RALGPS2: variants seen among roughly 807,000 people sequenced by gnomAD.
RALGPS2 encodes ras-specific guanine nucleotide-releasing factor RalGPS2.
A neutral mutation model predicts 86.8 loss-of-function variants in RALGPS2; 43 were observed. That is an observed-to-expected ratio of 0.50 (90% CI 0.39 to 0.64). The LOEUF is 0.64. RALGPS2 is among the 30% of genes least tolerant of loss of function. The pLI is 0.00. For synonymous variants in RALGPS2, 243 were observed against 231.3 expected, an observed-to-expected ratio of 1.05 and a Z score of -0.46; for missense variants, 536 against 694.6, an observed-to-expected ratio of 0.77 and a Z score of 2.57.
At chr1:178,800,745 C>T (rs898260416) in intron 4 of RALGPS2, among the ~76,000 whole-genome samples, 3 of 151,964 alleles carry the variant, frequency 2.0e-5, no homozygotes, top group Non-Finnish European at 2.9e-5. Flanking sequence ...GGTCAGTGCC[C>T]CTAACCCCTG....
At position 178,857,959 on chromosome 1, in the gene RALGPS2, T is replaced by G. The variant is rs147305682; in HGVS notation, c.608-19539T>G. On this transcript the variant is annotated intron_variant, in intron 8 of 19. Transcript: ENST00000367635. ...TCTGGTTTTCTGAATCCAGCTTTGA[T>G]TTCATAAGACTTCAATTATGCAAAT... 2.3e-3 allele frequency among the ~76,000 whole-genome samples: 345 copies of G among 152,316 alleles called. 7 individuals are homozygous for G. The highest frequency in any genetic ancestry group is 0.02 in the Admixed American group (301 of 15,306).
intron 8 of RALGPS2, among the ~76,000 whole-genome samples, chr1:178,855,845 C>A (rs1657497541): frequency 2.0e-5 from 3 of 151,224 alleles, no homozygotes; most frequent in South Asian, 4.2e-4. Context: ...CTAGACACAT[C>A]ACAGGAATCA....
At chr1:178,784,942 TA>T (rs1315042725) in intron 3 of RALGPS2, among the ~76,000 whole-genome samples, 1 of 152,068 alleles carries the variant, frequency 6.6e-6, no homozygotes, top group Non-Finnish European at 1.5e-5. Flanking sequence ...TTTCTTAATA[TA>T]AATTTATTTG....
In RALGPS2 at chr1:178,821,618, T is replaced by C; in HGVS notation, c.394T>C (p.Tyr132His). The change falls in exon 7 of 20, where the codon TAT becomes CAT. Residue 132 changes from tyrosine (Y) to histidine (H), a missense_variant. Physicochemically the swap from Tyr to His is moderately conservative, Grantham distance 83 (BLOSUM62 2). This residue lies in a region of RALGPS2 where 184 missense variants were observed against 296.7 expected (regional missense o/e 0.62). Coordinates refer to ENST00000367635, the MANE Select transcript of RALGPS2 (RefSeq NM_152663.5). ...SHYIKTAKKL[Y>H]ELNNLHALMA... ...TTTTTTTTCAAATCTTCAGAAACTG[T>C]ATGAGCTGAATAACCTTCATGCACT... The C allele has an allele frequency of 6.2e-7, 1 of 1,611,432 alleles. No homozygotes were observed. The highest frequency in any genetic ancestry group is 8.5e-7 in the Non-Finnish European group (1 of 1,179,142).
Position 178,840,027 on chromosome 1 carries a change from C to T in RALGPS2, c.607+6477C>T, listed in dbSNP as rs563608382. Among the ~76,000 whole-genome samples the T allele has an allele frequency of 9.1e-3, 1,387 of 152,016 alleles. 23 individuals carry two copies. The highest frequency in any genetic ancestry group is 0.03 in the African/African-American group (1,221 of 41,332). On this transcript the variant is annotated intron_variant, in intron 8 of 19. Transcript: ENST00000367635. ...AAGTCCTTAGAGACCTACAAAGAGA[C>T]TTAGACTCCCACACAATAATAATGG...
intron 5 of RALGPS2, among the ~76,000 whole-genome samples, chr1:178,810,427 G>A (rs1444919035): frequency 6.6e-6 from 1 of 151,846 alleles, no homozygotes; most frequent in African/African-American, 2.4e-5. Context: ...ATTAAAATTT[G>A]CCTGATGTTA....
At chr1:178,845,354 T>G (rs1656819641) in intron 8 of RALGPS2, among the ~76,000 whole-genome samples, 1 of 152,172 alleles carries the variant, frequency 6.6e-6, no homozygotes, top group Non-Finnish European at 1.5e-5. Flanking sequence ...GATAGTACTT[T>G]TTTGTTAGAA....
chr1:178,890,704 T>C (rs533838924), intron 14 of RALGPS2, among the ~76,000 whole-genome samples: 1 of 152,122 alleles, frequency 6.6e-6, no homozygotes, highest in East Asian at 1.9e-4. Flanking sequence ...ATTAAGATTT[T>C]GTTTATAAGT....
At chr1:178,826,595 T>C (rs1447202457) in intron 7 of RALGPS2, among the ~76,000 whole-genome samples, 1 of 152,172 alleles carries the variant, frequency 6.6e-6, no homozygotes, top group Non-Finnish European at 1.5e-5. Flanking sequence ...GATATGGAGT[T>C]TCATTTTGAG....
At chr1:178,806,360 A>G (rs995992121) in intron 4 of RALGPS2, among the ~76,000 whole-genome samples, 2 of 152,156 alleles carry the variant, frequency 1.3e-5, no homozygotes, top group African/African-American at 4.8e-5. Flanking sequence ...CAGTGCTGCT[A>G]TTAAGATATC....
rs189041806 is a variant in RALGPS2, at chr1:178,883,358, A to G, written c.837-108A>G. 9 of 843,212 alleles carry G rather than the reference A, an allele frequency of 1.1e-5. 1 individual carries two copies. The Admixed American group carries it at 2.0e-4, about 18-fold the overall frequency. The allele number at this position is 843,212 out of a possible 1,614,324, so 52.2% of individuals were successfully genotyped here. ...TGAAGAAAAGTATATAGGTCAGATT[A>G]TTTCATAAAAATGTTTTTAGTTTTT... On this transcript the variant is annotated intron_variant, in intron 10 of 19. Transcript: ENST00000367635.
rs558880476 is a variant in RALGPS2 at position 178,885,353 on chromosome 1, C to T, written c.1040+142C>T. The T allele has an allele frequency of 4.6e-5, 36 of 780,872 alleles. No individual in the cohort carries two copies. In the African/African-American group the frequency reaches 6.2e-4, roughly 13 times the overall value. 48.4% of individuals were successfully genotyped at this position (780,872 alleles called of 1,614,324 possible). On this transcript the variant is annotated intron_variant, in intron 12 of 19. Transcript: ENST00000367635. The stretch of plus-strand genomic sequence containing the variant: ...GCTGTTTTCTGATTCAGTAAAATGC[C>T]TTGTTTGCCTAAAAGCTTTTATTTC...
chr1:178,795,491 C>T (rs1234275703), intron 4 of RALGPS2, among the ~76,000 whole-genome samples: 1 of 152,102 alleles, frequency 6.6e-6, no homozygotes, highest in Non-Finnish European at 1.5e-5. Context: ...TGTCTCACTG[C>T]AACCTCTGCC....
chr1:178,851,000 G>A (rs573052934), intron 8 of RALGPS2: 20 of 848,320 alleles, frequency 2.4e-5, no homozygotes, highest in East Asian at 1.8e-4. Context: ...TTATAGTTAC[G>A]GTAAAATTCA....
At chr1:178,895,327 C>G (rs943687063) in intron 16 of RALGPS2, among the ~76,000 whole-genome samples, 2 of 152,030 alleles carry the variant, frequency 1.3e-5, no homozygotes, top group African/African-American at 4.8e-5. Flanking sequence ...CTTAGGCAGG[C>G]TAGTGAACTC....
At chr1:178,823,005 A>G (rs575041286) in intron 7 of RALGPS2, among the ~76,000 whole-genome samples, 3 of 152,236 alleles carry the variant, frequency 2.0e-5, no homozygotes, top group Admixed American at 6.5e-5. Flanking sequence ...AAGTTTTTAT[A>G]GTGATGGGGT....
intron 1 of RALGPS2, among the ~76,000 whole-genome samples, chr1:178,771,847 T>G (rs1469539860): frequency 6.6e-6 from 1 of 152,230 alleles, no homozygotes; most frequent in Non-Finnish European, 1.5e-5. Flanking sequence ...TATAAATATT[T>G]TTTTCATGTG....
At chr1:178,806,502 A>G (rs571948026) in intron 4 of RALGPS2, among the ~76,000 whole-genome samples, 2 of 152,230 alleles carry the variant, frequency 1.3e-5, no homozygotes, top group African/African-American at 4.8e-5. Flanking sequence ...TGGTCTTCAA[A>G]TTAGCATAAC....
At chr1:178,802,850 T>C (rs1654546647) in intron 4 of RALGPS2, among the ~76,000 whole-genome samples, 1 of 152,140 alleles carries the variant, frequency 6.6e-6, no homozygotes, top group African/African-American at 2.4e-5. Flanking sequence ...AGACTAGTAT[T>C]TTATACATTC....
Sources: gnomAD v4.1 joint callset for allele counts (sites outside exome capture counted in the v4.1 genomes callset) on GRCh38, gnomAD v4.1.1 for gene constraint, gnomAD v4.1.1 regional missense constraint, MANE v1.5 for transcripts, NCBI Gene and HGNC (gene_info 2026-07-23, HGNC 2026-07-21) for gene names.